Variants in DCP1A observed in about 807,000 individuals in gnomAD.
The protein encoded by DCP1A is decapping mRNA 1A, also known as mRNA-decapping enzyme 1A.
Under a neutral mutation model 58.0 loss-of-function variants are expected in DCP1A, and 20 were observed. That is an observed-to-expected ratio of 0.34 (90% CI 0.24 to 0.50). The LOEUF (loss-of-function observed/expected upper bound fraction) is 0.50, where lower values mean the gene tolerates loss of function less well. Among genes scored for constraint, DCP1A ranks in the 20% least tolerant of loss-of-function variants. The pLI, the probability that DCP1A is intolerant of heterozygous loss-of-function variation, is 0.98. For synonymous variants in DCP1A, 285 were observed against 275.1 expected (o/e 1.04, Z -0.36); for missense variants, 613 against 712.2 (o/e 0.86, Z 1.59).
intron 8 of DCP1A, chr3:53,290,560 CT>C (rs376948811): frequency 1.6e-6 from 1 of 630,396 alleles, no homozygotes; most frequent in Non-Finnish European, 2.8e-6. Context: ...ATAGCTAACT[CT>C]TTTCACTAAG....
At chr3:53,306,761 A>G (rs1212798991) in intron 5 of DCP1A, among the ~76,000 whole-genome samples, 1 of 114,354 alleles carries the variant, frequency 8.7e-6, no homozygotes, top group Non-Finnish European at 1.7e-5. Context: ...ACAGTGCAAG[A>G]CTCCGTCTCA....
In DCP1A at chr3:53,326,170, C is replaced by T. The variant is rs529298864; in HGVS notation, c.305-6697G>A. Among the ~76,000 whole-genome samples the T allele has an allele frequency of 1.6e-4, 25 of 152,060 alleles. No individual in the cohort carries two copies. The South Asian group carries it at 5.0e-3, about 30-fold the overall frequency. On this transcript the variant is annotated intron_variant, in intron 3 of 9. Coordinates refer to ENST00000610213, the MANE Select transcript of DCP1A (RefSeq NM_018403.7). Reference sequence around the variant, plus strand: ...TAAATCAAATCTGAATATATTAACCCGAAATACTCCTTCCACAATCCCATT... The same window carrying T: ...TAAATCAAATCTGAATATATTAACCTGAAATACTCCTTCCACAATCCCATT...
chr3:53,342,810 C>A (rs562759383), intron 2 of DCP1A, among the ~76,000 whole-genome samples: 12 of 152,274 alleles, frequency 7.9e-5, no homozygotes, highest in South Asian at 4.1e-4. Flanking sequence ...GTCCTCCCCC[C>A]ACTAGGATGT....
intron 3 of DCP1A, among the ~76,000 whole-genome samples, chr3:53,334,782 T>C (rs868961170): frequency 2.6e-5 from 4 of 152,328 alleles, no homozygotes; most frequent in Admixed American, 1.3e-4. Flanking sequence ...AAATGCTCAA[T>C]AGACACATGT....
chr3:53,299,919 G>A (rs1707257208), intron 6 of DCP1A, among the ~76,000 whole-genome samples: 1 of 152,206 alleles, frequency 6.6e-6, no homozygotes, highest in Non-Finnish European at 1.5e-5. Context: ...CCAGGCTGGA[G>A]TGTGGTGGCA....
intron 5 of DCP1A, among the ~76,000 whole-genome samples, chr3:53,308,619 A>G (rs1707546704): frequency 6.6e-6 from 1 of 152,078 alleles, no homozygotes; most frequent in Non-Finnish European, 1.5e-5. Context: ...TTTAAGAAAC[A>G]GAGTCTTGCT....
At chr3:53,311,293 T>G (rs534627050) in intron 5 of DCP1A, among the ~76,000 whole-genome samples, 2 of 152,318 alleles carry the variant, frequency 1.3e-5, no homozygotes, top group South Asian at 4.1e-4. Flanking sequence ...CAATATTTAA[T>G]GAAGAGTAAG....
intron 4 of DCP1A, among the ~76,000 whole-genome samples, chr3:53,312,582 ACCTCCTGGGTTCACACCAT>A (rs1210642461): frequency 1.5e-5 from 2 of 130,844 alleles, no homozygotes; most frequent in African/African-American, 5.9e-5. Flanking sequence ...TGCAAACTCC[ACCTCCTGGGTTCACACCAT>A]CCTCCTGCCT....
chr3:53,301,381 C>T (rs62256961), intron 6 of DCP1A, among the ~76,000 whole-genome samples: 20,658 of 151,816 alleles, frequency 0.14, 1,638 homozygotes, highest in Non-Finnish European at 0.18. Flanking sequence ...AAGCGATTCT[C>T]GTGCCTCAGC....
At position 53,343,374 on chromosome 3, in the gene DCP1A, G is replaced by A. The variant is rs1042971487; in HGVS notation, c.177-1103C>T. Among the ~76,000 whole-genome samples, 9 of 152,180 alleles carry A rather than the reference G, an allele frequency of 5.9e-5. No individual in the cohort carries two copies. In the East Asian group the frequency reaches 9.6e-4, roughly 16 times the overall value. On this transcript the variant is annotated intron_variant, in intron 2 of 9. Coordinates refer to ENST00000610213, the MANE Select transcript of DCP1A (RefSeq NM_018403.7). The stretch of plus-strand genomic sequence containing the variant: ...ACATTTTCCAAACACAGTTTCTTGC[G>A]TCTCCTTTAATTAGAATCAGTACCA...
In DCP1A at chr3:53,286,871, AAGGTATG is replaced by A. The variant is rs1362658817; in HGVS notation, c.*702_*708del. 6 of 152,320 alleles carry A rather than the reference AAGGTATG, an allele frequency of 3.9e-5. No homozygotes were observed. The highest frequency in any genetic ancestry group is 5.9e-5 in the Non-Finnish European group (4 of 68,036). The allele number at this position is 152,320 out of a possible 1,614,324, so 9.4% of individuals were successfully genotyped here. A position where few individuals can be genotyped will look rare whatever the true frequency, so the allele number is the denominator to read the frequency against. ...ATTCCCAGCCCCAGCCTTTCCTTCA[AAGGTATG>A]ACATGCCTGTGTCCACACCACCAGA... On this transcript the variant is annotated 3_prime_UTR_variant, in exon 10 of 10. Coordinates refer to ENST00000610213, the MANE Select transcript of DCP1A (RefSeq NM_018403.7).
intron 3 of DCP1A, among the ~76,000 whole-genome samples, chr3:53,334,556 G>A (rs1553691687): frequency 2.6e-5 from 4 of 151,948 alleles, no homozygotes; most frequent in South Asian, 2.1e-4. Context: ...TTTATCTGCC[G>A]TCATCACAAT....
chr3:53,344,968 T>G (rs782512968), intron 1 of DCP1A, 26 bp from the exon 2 acceptor site: 9 of 1,584,668 alleles, frequency 5.7e-6, no homozygotes, highest in Non-Finnish European at 7.7e-6. Flanking sequence ...ACTCAATTAG[T>G]TTTTTTTCCC....
In DCP1A at chr3:53,292,689, T is replaced by C; in HGVS notation, c.763A>G (p.Asn255Asp). ...LPGDASQKEP[N>D]SFLPFPFEQL... ...TCAAAGGGAAATGGTAGGAATGAATTGGGCTCTTTCTGGGAGGCATCTCCT... is the reference window on the plus strand; with the variant it reads ...TCAAAGGGAAATGGTAGGAATGAATCGGGCTCTTTCTGGGAGGCATCTCCT... Residue 255 changes from asparagine (N) to aspartate (D), a missense_variant, in exon 7 of 10, where the codon AAT becomes GAT. Physicochemically the swap from Asn to Asp is conservative, Grantham distance 23. This residue lies in a region of DCP1A where 498 missense variants were observed against 556.7 expected (regional missense o/e 0.89). Coordinates refer to ENST00000610213, the MANE Select transcript of DCP1A (RefSeq NM_018403.7). The C allele has an allele frequency of 6.2e-7, 1 of 1,613,788 alleles. No individual in the cohort carries two copies. Among genetic ancestry groups the C allele is most frequent in the Non-Finnish European group, 8.5e-7 (1 of 1,179,832 alleles).
intron 5 of DCP1A, among the ~76,000 whole-genome samples, chr3:53,306,997 C>T (rs1313388319): frequency 3.0e-5 from 4 of 134,704 alleles, no homozygotes; most frequent in South Asian, 4.7e-4. Context: ...AGTGCAGTGG[C>T]GCAATCTTGG....
At chr3:53,300,748 A>C (rs1380838289) in intron 6 of DCP1A, among the ~76,000 whole-genome samples, 1 of 152,056 alleles carries the variant, frequency 6.6e-6, no homozygotes, top group Non-Finnish European at 1.5e-5. Context: ...CCTGGTTTCA[A>C]GTGATCCTCC....
At chr3:53,297,988 C>T (rs1707184477) in intron 6 of DCP1A, among the ~76,000 whole-genome samples, 1 of 152,154 alleles carries the variant, frequency 6.6e-6, no homozygotes, top group Admixed American at 6.5e-5. Flanking sequence ...CAGGCCTAGG[C>T]GGAAGCATTG....
chr3:53,298,997 T>C (rs1234422230), intron 6 of DCP1A, among the ~76,000 whole-genome samples: 1 of 152,236 alleles, frequency 6.6e-6, no homozygotes, highest in Non-Finnish European at 1.5e-5. Flanking sequence ...GCCTAGGTGT[T>C]AGTAGGCAAT....
chr3:53,304,731 T>C (rs13100097), intron 5 of DCP1A, among the ~76,000 whole-genome samples: 110,720 of 151,524 alleles, frequency 0.73, 40,853 homozygotes, highest in Middle Eastern at 0.77. Context: ...AGCCACCATG[T>C]CCAGCTGGTT....
Sources: gnomAD v4.1 joint callset for allele counts (sites outside exome capture counted in the v4.1 genomes callset) on GRCh38, gnomAD v4.1.1 for gene constraint, gnomAD v4.1.1 regional missense constraint, MANE v1.5 for transcripts, NCBI Gene and HGNC (gene_info 2026-07-23, HGNC 2026-07-21) for gene names.